PAIP1: variants seen among roughly 807,000 people sequenced by gnomAD.
The protein encoded by PAIP1 is poly(A) binding protein interacting protein 1.
In PAIP1, 16 loss-of-function variants were observed where a neutral mutation model predicts 61.3. The ratio of observed to expected loss-of-function variants is 0.26; its 90% CI spans 0.18 to 0.40. PAIP1 has a LOEUF of 0.40. PAIP1 is among the 10% of genes least tolerant of loss of function. The pLI is 1.00. For missense variants in PAIP1, 416 were observed against 600.9 expected (o/e 0.69, Z 3.22); for synonymous variants, 187 against 226.2 (o/e 0.83, Z 1.56).
chr5:43,535,996 A>AC (rs1284326479), intron 6 of PAIP1, among the ~76,000 whole-genome samples: 1 of 152,114 alleles, frequency 6.6e-6, no homozygotes, highest in Non-Finnish European at 1.5e-5. Context: ...AAAAAAAAAA[A>AC]ACACAAACAT....
At chr5:43,538,865 T>C (rs766106985) in intron 5 of PAIP1, 59 bp downstream of exon 5, 21 of 834,804 alleles carry the variant, frequency 2.5e-5, no homozygotes, top group African/African-American at 5.1e-5. Flanking sequence ...AAATTCCTCA[T>C]TGAGATCAAC....
At chr5:43,552,445 A>T (rs1747901042) in intron 2 of PAIP1, among the ~76,000 whole-genome samples, 1 of 152,242 alleles carries the variant, frequency 6.6e-6, no homozygotes, top group Non-Finnish European at 1.5e-5. Context: ...ATTAGCACAT[A>T]AATAAGTGAT....
intron 4 of PAIP1, 94 bp from the exon 5 acceptor site, chr5:43,539,129 A>T: frequency 1.3e-6 from 1 of 786,628 alleles, no homozygotes; most frequent in Non-Finnish European, 2.2e-6. Context: ...GTCCACAGCA[A>T]GAGGCAAGGA....
rs747026840 is a variant in PAIP1 at position 43,547,911 on chromosome 5, T to C, written c.438A>G (p.Glu146=). Residue 146 remains glutamate, a splice_region_variant and synonymous_variant, in exon 3 of 11, where the codon GAA becomes GAG. Transcript: ENST00000306846. ...AATCCTCACAACCATCCTCATAGGA[T>C]TCCTACGGATCAAAAATGAAAAAAC... is the stretch of plus-strand genomic sequence containing the variant. ...YPSGYSSSYT[E]SYEDGCEDYP... 14 of 1,596,566 alleles carry C rather than the reference T, an allele frequency of 8.8e-6. No homozygotes were observed. In the Admixed American group the frequency reaches 2.5e-4, roughly 28 times the overall value.
At chr5:43,529,691 C>T in intron 10 of PAIP1, 95 bp downstream of exon 10, 2 of 773,100 alleles carry the variant, frequency 2.6e-6, no homozygotes, top group East Asian at 4.9e-5. Context: ...TGCGCCTGGC[C>T]CCAAACACCA....
At chr5:43,554,323 A>G (rs1355647314) in intron 2 of PAIP1, among the ~76,000 whole-genome samples, 1 of 152,172 alleles carries the variant, frequency 6.6e-6, no homozygotes, top group East Asian at 1.9e-4. Flanking sequence ...AGTTTATTCA[A>G]CCTCTTACAG....
chr5:43,545,361 T>C (rs778281785), intron 3 of PAIP1, among the ~76,000 whole-genome samples: 11 of 152,234 alleles, frequency 7.2e-5, no homozygotes, highest in Non-Finnish European at 1.3e-4. Flanking sequence ...CTGGTTCCCA[T>C]GTCTTCATCC....
At chr5:43,552,516 C>A (rs981435822) in intron 2 of PAIP1, among the ~76,000 whole-genome samples, 2 of 152,096 alleles carry the variant, frequency 1.3e-5, no homozygotes, top group Non-Finnish European at 2.9e-5. Context: ...AAGAACGTCA[C>A]CAACTGTCAT....
At chr5:43,546,249 T>G (rs1747631246) in intron 3 of PAIP1, among the ~76,000 whole-genome samples, 1 of 152,262 alleles carries the variant, frequency 6.6e-6, no homozygotes, top group Non-Finnish European at 1.5e-5. Flanking sequence ...AGTTGACGCT[T>G]ATCAGGTTAC....
chr5:43,557,090 A>C, upstream of PAIP1: 46 of 641,664 alleles, frequency 7.2e-5, no homozygotes, highest in South Asian at 1.5e-4. Flanking sequence ...TTCTCCCCCA[A>C]AACCCGGCTC....
At position 43,552,119 on chromosome 5, in the gene PAIP1, G is replaced by A. The variant is rs991751302; in HGVS notation, c.435+3711C>T. Among the ~76,000 whole-genome samples the A allele has an allele frequency of 2.6e-5, 4 of 152,160 alleles. No homozygotes were observed. In the East Asian group the frequency reaches 7.7e-4, roughly 29 times the overall value. On this transcript the variant is annotated intron_variant, in intron 2 of 10. Coordinates refer to ENST00000306846, the MANE Select transcript of PAIP1 (RefSeq NM_006451.5). ...AGGTACTCTATATACATTGTCAAGA[G>A]ATGAGAACCTATTACAGAACCGTGG...
upstream of PAIP1, chr5:43,557,305 G>GGGATGA (rs1404432411): frequency 3.7e-3 from 575 of 153,642 alleles, 6 homozygotes; most frequent in Middle Eastern, 9.8e-3. Flanking sequence ...CCAGGCTGGG[G>GGGATGA]GGGATGAGGG....
chr5:43,528,186 T>G (rs1422210607), intron 10 of PAIP1, among the ~76,000 whole-genome samples: 1 of 152,228 alleles, frequency 6.6e-6, no homozygotes, highest in Non-Finnish European at 1.5e-5. Flanking sequence ...CATCTTCATT[T>G]TGGAGATGGA....
intron 2 of PAIP1, among the ~76,000 whole-genome samples, chr5:43,550,837 CAAAAAAAAAA>C (rs373730839): frequency 9.1e-4 from 45 of 49,560 alleles, no homozygotes; most frequent in Admixed American, 5.7e-3. Context: ...AAATATACTA[CAAAAAAAAAA>C]AAAAAAAAAA....
At chr5:43,556,265 A>G (rs1748067350) in intron 1 of PAIP1, 2 of 1,272,570 alleles carry the variant, frequency 1.6e-6, no homozygotes, top group Non-Finnish European at 2.0e-6. Context: ...GGGTCGGTGG[A>G]AAAGAGGTGG....
rs550354296 is a variant in PAIP1 at position 43,553,250 on chromosome 5, G to C, written c.435+2580C>G. Among the ~76,000 whole-genome samples the C allele has an allele frequency of 1.8e-3, 267 of 152,268 alleles. 2 individuals are homozygous for C. Among genetic ancestry groups the C allele is most frequent in the Non-Finnish European group, 1.4e-3 (92 of 68,000 alleles). ...CACTGGTAAGAAGACATGGAAAGTA[G>C]GAAATTCTAGCAGCAGGATTAGAGG... is the stretch of plus-strand genomic sequence containing the variant. On this transcript the variant is annotated intron_variant, in intron 2 of 10. Coordinates refer to ENST00000306846, the MANE Select transcript of PAIP1 (RefSeq NM_006451.5).
intron 3 of PAIP1, among the ~76,000 whole-genome samples, chr5:43,547,206 G>A (rs1747671946): frequency 6.6e-6 from 1 of 152,098 alleles, no homozygotes; most frequent in Non-Finnish European, 1.5e-5. Context: ...AAGGCAAGTA[G>A]AAATGCTAAG....
intron 4 of PAIP1, among the ~76,000 whole-genome samples, chr5:43,539,298 G>C (rs1394991924): frequency 6.6e-6 from 1 of 152,128 alleles, no homozygotes; most frequent in East Asian, 1.9e-4. Context: ...AAGCAACATA[G>C]GTGTAATCTG....
intron 4 of PAIP1, among the ~76,000 whole-genome samples, chr5:43,541,702 C>T (rs79649443): frequency 0.055 from 8,028 of 146,034 alleles, 913 homozygotes; most frequent in African/African-American, 0.11. Flanking sequence ...AACTAATGGA[C>T]GAACTATAAT....
Sources: gnomAD v4.1 joint callset for allele counts (sites outside exome capture counted in the v4.1 genomes callset) on GRCh38, gnomAD v4.1.1 for gene constraint, MANE v1.5 for transcripts, NCBI Gene and HGNC (gene_info 2026-07-23, HGNC 2026-07-21) for gene names.